NALF1: variants seen among roughly 807,000 people sequenced by gnomAD.
NALF1 encodes NALCN channel auxiliary factor 1, also known as family with sequence similarity 155 member A.
Under a neutral mutation model 48.4 loss-of-function variants are expected in NALF1, and 3 were observed. The observed-to-expected ratio is 0.06, with a 90% CI of 0.03 to 0.16. The LOEUF (loss-of-function observed/expected upper bound fraction) is 0.16, where lower values mean the gene tolerates loss of function less well. Ranked by LOEUF, NALF1 falls within the 10% of genes least tolerant of loss-of-function variation. The pLI is 1.00. For synonymous variants in NALF1, 262 were observed against 245.7 expected (o/e 1.07, Z -0.62); for missense variants, 526 against 571.5 (o/e 0.92, Z 0.81).
chr13:107,585,310 G>A (rs1453871314), intron 1 of NALF1, among the ~76,000 whole-genome samples: 1 of 151,268 alleles, frequency 6.6e-6, no homozygotes, highest in Non-Finnish European at 1.5e-5. Context: ...GGCTAGCATG[G>A]CAAATGCGAG....
chr13:107,524,658 T>C (rs1876367598), intron 1 of NALF1, among the ~76,000 whole-genome samples: 1 of 152,120 alleles, frequency 6.6e-6, no homozygotes. Flanking sequence ...CAAAGCACTT[T>C]GCAGCCTAAT....
At chr13:107,292,240 G>GA (rs1366451734) in intron 1 of NALF1, among the ~76,000 whole-genome samples, 2 of 151,892 alleles carry the variant, frequency 1.3e-5, no homozygotes, top group East Asian at 1.9e-4. Context: ...ATAAAAAATA[G>GA]AAAAAAAACT....
chr13:107,860,385 C>T (rs1027243194), intron 1 of NALF1, among the ~76,000 whole-genome samples: 1 of 152,208 alleles, frequency 6.6e-6, no homozygotes, highest in East Asian at 1.9e-4. Context: ...GCTGAAAGGT[C>T]ATTCTATATC....
chr13:107,536,299 A>C (rs558510144), intron 1 of NALF1, among the ~76,000 whole-genome samples: 3 of 147,888 alleles, frequency 2.0e-5, no homozygotes, highest in African/African-American at 2.6e-5. Context: ...CAACCTACAA[A>C]ATGGGAGAAA....
intron 1 of NALF1, among the ~76,000 whole-genome samples, chr13:107,491,955 C>G (rs1006927919): frequency 6.6e-6 from 1 of 150,818 alleles, no homozygotes; most frequent in Non-Finnish European, 1.5e-5. Context: ...TGAAAGATGC[C>G]TGGGCACCTG....
intron 1 of NALF1, among the ~76,000 whole-genome samples, chr13:107,820,338 T>C (rs1407402347): frequency 6.6e-6 from 1 of 152,216 alleles, no homozygotes; most frequent in African/African-American, 2.4e-5. Context: ...AACCATATAT[T>C]TTCACGAGCA....
intron 1 of NALF1, among the ~76,000 whole-genome samples, chr13:107,563,239 T>C (rs926522359): frequency 6.6e-6 from 1 of 152,174 alleles, no homozygotes; most frequent in Admixed American, 6.5e-5. Flanking sequence ...CAGCTGTGGA[T>C]GACAGTCAGA....
intron 2 of NALF1, among the ~76,000 whole-genome samples, chr13:107,206,925 T>G (rs1300972773): frequency 1.3e-5 from 2 of 152,226 alleles, no homozygotes; most frequent in African/African-American, 2.4e-5. Flanking sequence ...GTGAATTGGA[T>G]GCAGTTCAAA....
rs150812716 is a variant in NALF1 at position 107,179,247 on chromosome 13, G to A, written c.1088-8461C>T. Among the ~76,000 whole-genome samples the A allele has an allele frequency of 8.0e-3, 1,211 of 152,176 alleles. 22 individuals carry two copies. Among genetic ancestry groups the A allele is most frequent in the African/African-American group, 0.028 (1,158 of 41,522 alleles). ...GGAAATGGAGGTCATTATGTTAAGT[G>A]AAATAAGCCAGGCACAGAAAGAAAA... On this transcript the variant is annotated intron_variant, in intron 2 of 2. Coordinates refer to ENST00000375915, the MANE Select transcript of NALF1 (RefSeq NM_001080396.3).
intron 1 of NALF1, among the ~76,000 whole-genome samples, chr13:107,709,050 T>G (rs759937313): frequency 1.2e-4 from 18 of 152,208 alleles, no homozygotes; most frequent in Non-Finnish European, 1.9e-4. Flanking sequence ...ACAGCAATGG[T>G]ATTCTAAAGT....
chr13:107,335,660 T>G (rs1003848730), intron 1 of NALF1, among the ~76,000 whole-genome samples: 4 of 152,192 alleles, frequency 2.6e-5, no homozygotes, highest in African/African-American at 7.2e-5. Flanking sequence ...CAGCAAGGCA[T>G]TTTTCACCTT....
rs1881223603 is a variant in NALF1, at chr13:107,273,821, G to A, written c.916-63066C>T. Among the ~76,000 whole-genome samples, 3 of 152,308 alleles carry A rather than the reference G, an allele frequency of 2.0e-5. No individual in the cohort carries two copies. In the South Asian group the frequency reaches 6.2e-4, roughly 32 times the overall value. ...AGAGAAGAGGGCACTTCTTAAAGCA[G>A]TGGTGCTGAGCATGGCATCTTCCAA... On this transcript the variant is annotated intron_variant, in intron 1 of 2. Transcript: ENST00000375915.
At chr13:107,413,124 A>ATT (rs1295278134) in intron 1 of NALF1, among the ~76,000 whole-genome samples, 1 of 152,192 alleles carries the variant, frequency 6.6e-6, no homozygotes. Flanking sequence ...AACACAATGT[A>ATT]ATCAAGTAAT....
intron 1 of NALF1, among the ~76,000 whole-genome samples, chr13:107,291,156 C>T (rs148586498): frequency 3.3e-5 from 5 of 151,538 alleles, no homozygotes; most frequent in Admixed American, 6.6e-5. Context: ...CAATCAAATA[C>T]GTAAAATCCT....
intron 1 of NALF1, among the ~76,000 whole-genome samples, chr13:107,427,645 T>G (rs1323617461): frequency 6.6e-6 from 1 of 152,200 alleles, no homozygotes; most frequent in Non-Finnish European, 1.5e-5. Context: ...TACATTTGCT[T>G]TTTAAAATTT....
intron 1 of NALF1, among the ~76,000 whole-genome samples, chr13:107,650,736 A>G (rs927084289): frequency 1.3e-5 from 2 of 152,182 alleles, no homozygotes; most frequent in Non-Finnish European, 2.9e-5. Flanking sequence ...AAAAAATAAA[A>G]ATAAAAAATA....
chr13:107,694,390 G>GCT (rs555123925), intron 1 of NALF1, among the ~76,000 whole-genome samples: 336 of 150,860 alleles, frequency 2.2e-3, no homozygotes, highest in Non-Finnish European at 3.1e-3. Flanking sequence ...ATTTGCTTCT[G>GCT]CTCTCTCTCT....
At chr13:107,317,731 G>T (rs576983706) in intron 1 of NALF1, among the ~76,000 whole-genome samples, 1 of 151,792 alleles carries the variant, frequency 6.6e-6, no homozygotes, top group South Asian at 2.1e-4. Context: ...AGAAATAATT[G>T]AATTATAATA....
At chr13:107,339,306 T>G (rs1181684431) in intron 1 of NALF1, among the ~76,000 whole-genome samples, 1 of 152,082 alleles carries the variant, frequency 6.6e-6, no homozygotes, top group East Asian at 1.9e-4. Context: ...TGGTTAACTT[T>G]CCCTAGGTAC....
Sources: allele counts gnomAD v4.1 joint callset (sites outside exome capture counted in the v4.1 genomes callset), GRCh38; gene constraint gnomAD v4.1.1; transcripts MANE v1.5; gene names NCBI Gene and HGNC (gene_info 2026-07-23, HGNC 2026-07-21).